The following EXO1 variants were observed in gnomAD, a reference collection of about 807,000 sequenced individuals.
EXO1 encodes exonuclease 1.
Under a neutral mutation model 84.5 loss-of-function variants are expected in EXO1, and 69 were observed. That is an observed-to-expected ratio of 0.82 (90% CI 0.67 to 1.00). The LOEUF (loss-of-function observed/expected upper bound fraction) is 1.00. EXO1 is among the 50% of genes least tolerant of loss of function. The pLI, the probability that EXO1 is intolerant of heterozygous loss-of-function variation, is 0.00. For missense variants in EXO1, 1,045 were observed against 1,000.7 expected (o/e 1.04, Z -0.60); for synonymous variants, 373 against 366.1 (o/e 1.02, Z -0.21).
In EXO1 at chr1:241,872,075, A is replaced by G. The variant is rs773928443; in HGVS notation, c.1311A>G (p.Ser437=). Residue 437 remains serine, a synonymous_variant, in exon 12 of 16, where the codon TCA becomes TCG. Transcript: ENST00000366548. ...EDDLLSQYSL[S]FTKKTKKNSS... is the part of the protein sequence containing the mutation. Reference sequence around the variant, plus strand: ...ACCTGTTGAGTCAGTATTCTCTTTCATTTACGAAGAAGACCAAGAAAAATA... The same window carrying G: ...ACCTGTTGAGTCAGTATTCTCTTTCGTTTACGAAGAAGACCAAGAAAAATA... The G allele has an allele frequency of 1.9e-6, 3 of 1,613,510 alleles. No individual in the cohort carries two copies. Among genetic ancestry groups the G allele is most frequent in the Non-Finnish European group, 2.5e-6 (3 of 1,179,484 alleles).
In EXO1 at chr1:241,861,520, A is replaced by G; in HGVS notation, c.1041+18A>G. On this transcript the variant is annotated intron_variant, in intron 10 of 15. Coordinates refer to ENST00000366548, the MANE Select transcript of EXO1 (RefSeq NM_130398.4). ...CTGCTATGGTAACGTTTTGATGACC[A>G]CCCTATGAAAACACGTTTTAGTTAT... 1 of 1,303,792 alleles carries G rather than the reference A, an allele frequency of 7.7e-7. No homozygotes were observed. Among genetic ancestry groups the G allele is most frequent in the Non-Finnish European group, 1.1e-6 (1 of 896,588 alleles). The allele number at this position is 1,303,792 out of a possible 1,614,324, so 80.8% of individuals were successfully genotyped here.
At position 241,889,714 on chromosome 1, in the gene EXO1, T is replaced by A. The variant is rs868099367; in HGVS notation, c.*114T>A. 9.8e-7 allele frequency: 1 copy of A among 1,017,346 alleles called. No individual in the cohort carries two copies. The highest frequency in any genetic ancestry group is 1.5e-6 in the Non-Finnish European group (1 of 648,208). The allele number at this position is 1,017,346 out of a possible 1,614,324, so 63.0% of individuals were successfully genotyped here. A position where few individuals can be genotyped will look rare whatever the true frequency, so the allele number is the denominator to read the frequency against. On this transcript the variant is annotated 3_prime_UTR_variant, in exon 16 of 16. Transcript: ENST00000366548. The stretch of plus-strand genomic sequence containing the variant: ...AATTTTTTCTCATTCTGTGCCATTT[T>A]AAAAATAGAATACATTTTGTATATT...
intron 10 of EXO1, among the ~76,000 whole-genome samples, chr1:241,864,659 T>C (rs1370529011): frequency 6.6e-6 from 1 of 152,216 alleles, no homozygotes; most frequent in African/African-American, 2.4e-5. Context: ...TGGAATTGGC[T>C]TCTCTTTGAT....
intron 11 of EXO1, among the ~76,000 whole-genome samples, chr1:241,868,576 G>A (rs1457124232): frequency 6.6e-6 from 1 of 152,144 alleles, no homozygotes; most frequent in African/African-American, 2.4e-5. Context: ...GCTGAGGTGG[G>A]AGGATCGCTC....
At chr1:241,888,010 T>C (rs1188184324) in intron 15 of EXO1, among the ~76,000 whole-genome samples, 2 of 152,196 alleles carry the variant, frequency 1.3e-5, no homozygotes, top group African/African-American at 4.8e-5. Context: ...TGAGGTAAAC[T>C]ATCATACTTC....
At chr1:241,872,382 T>G (rs1019886597) in intron 12 of EXO1, 104 bp downstream of exon 12, 6 of 1,294,280 alleles carry the variant, frequency 4.6e-6, no homozygotes, top group Non-Finnish European at 6.6e-6. Flanking sequence ...TACTTTAAGT[T>G]CTGGGGTACA....
chr1:241,877,783 T>C (rs945091294), intron 12 of EXO1, among the ~76,000 whole-genome samples: 8 of 150,344 alleles, frequency 5.3e-5, no homozygotes, highest in African/African-American at 1.7e-4. Flanking sequence ...GAATTTATGA[T>C]TGATTTGAAA....
chr1:241,864,875 T>A (rs1661617512), intron 10 of EXO1, among the ~76,000 whole-genome samples: 2 of 151,476 alleles, frequency 1.3e-5, no homozygotes, highest in Non-Finnish European at 2.9e-5. Context: ...CATTTCTTTC[T>A]TTCTTTTTTT....
In EXO1 at chr1:241,885,447, A is replaced by C; in HGVS notation, c.2345A>C (p.Glu782Ala). The C allele has an allele frequency of 6.2e-7, 1 of 1,613,946 alleles. No homozygotes were observed. Among genetic ancestry groups the C allele is most frequent in the Non-Finnish European group, 8.5e-7 (1 of 1,179,910 alleles). ...CAGAAGAGAAAGCATCATAATGCCG[A>C]GAACAAGCCGGGGTTACAGATCAAA... ...SIQKRKHHNA[E>A]NKPGLQIKLN... The change falls in exon 15 of 16, where the codon GAG (glutamate) becomes GCG (alanine). Residue 782 changes from glutamate to alanine, a missense_variant. Glu to Ala is a moderately radical substitution (Grantham distance 107). Transcript: ENST00000366548.
Position 241,860,524 on chromosome 1 carries a change from A to G in EXO1, c.764A>G (p.Lys255Arg), listed in dbSNP as rs1328248211. ...TTTTGCATGCATTGTTAGGTTATCA[A>G]GAAAATTGGACATTATCTCAAGATG... Reference protein sequence around the residue: ...ANNPDIVKVIKKIGHYLKMNI... With the variant: ...ANNPDIVKVIRKIGHYLKMNI... Residue 255 changes from lysine (K) to arginine (R), a missense_variant, in exon 9 of 16, where the codon AAG becomes AGG. Lys to Arg is a conservative substitution (Grantham distance 26). Coordinates refer to ENST00000366548, the MANE Select transcript of EXO1 (RefSeq NM_130398.4). 6 of 1,613,034 alleles carry G rather than the reference A, an allele frequency of 3.7e-6. No individual in the cohort carries two copies. In the Admixed American group the frequency reaches 1.0e-4, roughly 27 times the overall value.
chr1:241,860,804 T>C, intron 9 of EXO1, 100 bp downstream of exon 9: 1 of 928,262 alleles, frequency 1.1e-6, no homozygotes. Flanking sequence ...TTGCACATTA[T>C]TTTTTGCTCT....
At chr1:241,883,742 G>GTGT (rs33977414) in intron 14 of EXO1, among the ~76,000 whole-genome samples, 1 of 852 alleles carries the variant, frequency 1.2e-3, no homozygotes, top group Non-Finnish European at 0.011. Flanking sequence ...AATATGTATA[G>GTGT]TGTTTTTGTT....
Position 241,853,406 on chromosome 1 carries a change from G to A in EXO1, c.330G>A (p.Gly110=). ...AGGGAAAGCAACTTCTTCGTGAGGGGAAAGTCTCGGAAGCTCGAGAGTGTT... is the reference window on the plus strand; with the variant it reads ...AGGGAAAGCAACTTCTTCGTGAGGGAAAAGTCTCGGAAGCTCGAGAGTGTT... ...LLKGKQLLRE[G]KVSEARECFT... Residue 110 remains glycine (G), a synonymous_variant, in exon 6 of 16, where the codon GGG becomes GGA. Coordinates refer to ENST00000366548, the MANE Select transcript of EXO1 (RefSeq NM_130398.4). 1.2e-6 allele frequency: 2 copies of A among 1,613,840 alleles called. No homozygotes were observed. Among genetic ancestry groups the A allele is most frequent in the Non-Finnish European group, 1.7e-6 (2 of 1,179,802 alleles).
chr1:241,852,493 T>A, intron 5 of EXO1, 82 bp downstream of exon 5: 1 of 1,345,242 alleles, frequency 7.4e-7, no homozygotes, highest in Non-Finnish European at 1.1e-6. Context: ...ATTTTTAAAA[T>A]TTTAAGCCAG....
chr1:241,884,062 TTTTTG>T (rs1210786067), intron 14 of EXO1, among the ~76,000 whole-genome samples: 1 of 152,196 alleles, frequency 6.6e-6, no homozygotes, highest in Non-Finnish European at 1.5e-5. Flanking sequence ...CTCGGAACGT[TTTTTG>T]TTTTATCTAT....
intron 4 of EXO1, 126 bp from the exon 5 acceptor site, chr1:241,852,166 A>T: frequency 1.2e-6 from 1 of 834,882 alleles, no homozygotes; most frequent in South Asian, 1.5e-5. Context: ...TCCTATGAAA[A>T]CATCTGCTTA....
Position 241,858,732 on chromosome 1 carries a change from G to A in EXO1, c.756+14G>A, listed in dbSNP as rs1306949884. On this transcript the variant is annotated intron_variant, in intron 8 of 15. Coordinates refer to ENST00000366548, the MANE Select transcript of EXO1 (RefSeq NM_130398.4). ...GATATAGTAAAGGTAAGAGTGATTT[G>A]CTAAGTGTCATATTCAATTTCTGAA... The A allele has an allele frequency of 6.6e-7, 1 of 1,515,338 alleles. No individual in the cohort carries two copies. Among genetic ancestry groups the A allele is most frequent in the Non-Finnish European group, 9.2e-7 (1 of 1,089,988 alleles). The allele number at this position is 1,515,338 out of a possible 1,614,324, so 93.9% of individuals were successfully genotyped here. A position where few individuals can be genotyped will look rare whatever the true frequency, so the allele number is the denominator to read the frequency against.
rs774723194 is a variant in EXO1, at chr1:241,861,388, T to C, written c.945-18T>C. On this transcript the variant is annotated intron_variant, in intron 9 of 15. Transcript: ENST00000366548. ...TGGTTGTTAATAAATACATTTTTCCTTAATCTTGCTAATCTAGATATGTTG... is the reference window on the plus strand; with the variant it reads ...TGGTTGTTAATAAATACATTTTTCCCTAATCTTGCTAATCTAGATATGTTG... 35 of 1,234,234 alleles carry C rather than the reference T, an allele frequency of 2.8e-5. No homozygotes were observed. Among genetic ancestry groups the C allele is most frequent in the Non-Finnish European group, 4.0e-5 (33 of 833,384 alleles). 76.5% of individuals were successfully genotyped at this position (1,234,234 alleles called of 1,614,324 possible).
Position 241,879,231 on chromosome 1 carries a change from C to T in EXO1, c.1997C>T (p.Pro666Leu). ...SEESSDDESH[P>L]LREEACSSQS... ...GAGTCCAGTGACGATGAGTCTCATC[C>T]CTTACGAGAAGAGGCATGTTCTTCA... Residue 666 changes from proline to leucine, a missense_variant, in exon 13 of 16, where the codon CCC becomes CTC. By Grantham distance (98) the Pro-to-Leu change is moderately conservative. Transcript: ENST00000366548. The T allele has an allele frequency of 6.2e-7, 1 of 1,600,276 alleles. No individual in the cohort carries two copies.
Sources: gnomAD v4.1 joint callset for allele counts (sites outside exome capture counted in the v4.1 genomes callset) on GRCh38, gnomAD v4.1.1 for gene constraint, MANE v1.5 for transcripts, NCBI Gene and HGNC (gene_info 2026-07-23, HGNC 2026-07-21) for gene names.